Variants in TBX5 observed in about 807,000 individuals in gnomAD.
TBX5 encodes T-box transcription factor TBX5.
Under a neutral mutation model 51.1 loss-of-function variants are expected in TBX5, and 8 were observed. That is an observed-to-expected ratio of 0.16 (90% CI 0.09 to 0.28). The LOEUF is 0.28. Among genes scored for constraint, TBX5 ranks in the 10% least tolerant of loss-of-function variants. The probability of loss-of-function intolerance (pLI) is 1.00; values close to 1 mark genes in which losing one functional copy is unlikely to be tolerated. For synonymous variants in TBX5, 302 were observed against 266.4 expected, an observed-to-expected ratio of 1.13 and a Z score of -1.30; for missense variants, 589 against 671.7, an observed-to-expected ratio of 0.88 and a Z score of 1.36.
At chr12:114,370,231 CAGAAAAGAAAAGAAAAGAAAAGAAA>C (rs71447929) in intron 7 of TBX5, among the ~76,000 whole-genome samples, 82 of 77,852 alleles carry the variant, frequency 1.1e-3, no homozygotes, top group East Asian at 3.9e-3. Flanking sequence ...AACTCTGTCT[CAGAAAAGAAAAGAAAAGAAAAGAAA>C]AGAAAAGAAA....
chr12:114,381,717 G>A (rs1013377638), intron 7 of TBX5, among the ~76,000 whole-genome samples: 2 of 152,030 alleles, frequency 1.3e-5, no homozygotes, highest in Non-Finnish European at 2.9e-5. Flanking sequence ...AACAAGAATT[G>A]ACCCCAGGTT....
intron 6 of TBX5, 62 bp downstream of exon 6, chr12:114,394,679 C>A: frequency 6.2e-7 from 1 of 1,610,128 alleles, no homozygotes; most frequent in Non-Finnish European, 8.5e-7. Flanking sequence ...GAAAACCTTG[C>A]AGATTCATGC....
chr12:114,385,653 A>C, intron 6 of TBX5, 86 bp from the exon 7 acceptor site: 1 of 1,137,790 alleles, frequency 8.8e-7, no homozygotes, highest in Non-Finnish European at 1.3e-6. Context: ...AATAAATATC[A>C]TGGAAATGCA....
chr12:114,384,069 A>G (rs1870661049), intron 7 of TBX5, among the ~76,000 whole-genome samples: 2 of 152,190 alleles, frequency 1.3e-5, no homozygotes, highest in Non-Finnish European at 2.9e-5. Context: ...CACTGACCCT[A>G]TGGCCCAATC....
chr12:114,401,233 G>C (rs1871792697), intron 3 of TBX5, among the ~76,000 whole-genome samples: 1 of 152,226 alleles, frequency 6.6e-6, no homozygotes, highest in Non-Finnish European at 1.5e-5. Flanking sequence ...CGTGTTTATT[G>C]GTGTCTGTAT....
chr12:114,400,210 G>C (rs1001833444), intron 3 of TBX5, among the ~76,000 whole-genome samples: 1 of 152,210 alleles, frequency 6.6e-6, no homozygotes, highest in Non-Finnish European at 1.5e-5. Context: ...CTCGGTTAAT[G>C]ACCTCTGACA....
intron 7 of TBX5, among the ~76,000 whole-genome samples, chr12:114,369,461 C>T (rs1480601845): frequency 2.0e-5 from 3 of 152,192 alleles, no homozygotes; most frequent in East Asian, 1.9e-4. Context: ...GCCTGAAATA[C>T]GATGTCCCCA....
chr12:114,355,784 C>A lies in TBX5; in HGVS notation c.1305G>T (p.Leu435=), dbSNP rs372185479. ...HFSAHFTSGP[L]VPRLAGMANH... The stretch of plus-strand genomic sequence containing the variant: ...TGGCCATGCCAGCCAGCCGAGGGAC[C>A]AGGGGCCCCGAGGTGAAGTGAGCGG... The change falls in exon 9 of 9, where the codon CTG becomes CTT. Residue 435 remains leucine, a synonymous_variant. Transcript: ENST00000405440. The A allele has an allele frequency of 1.2e-6, 2 of 1,614,132 alleles. No individual in the cohort carries two copies. Among genetic ancestry groups the A allele is most frequent in the African/African-American group, 1.3e-5 (1 of 75,054 alleles).
At chr12:114,367,532 T>C (rs1869614673) in intron 7 of TBX5, among the ~76,000 whole-genome samples, 1 of 152,154 alleles carries the variant, frequency 6.6e-6, no homozygotes, top group Admixed American at 6.5e-5. Flanking sequence ...TCCCATTTTT[T>C]TTCCTCAGAA....
chr12:114,400,501 G>C (rs1001907040), intron 3 of TBX5, among the ~76,000 whole-genome samples: 3 of 152,230 alleles, frequency 2.0e-5, no homozygotes, highest in Non-Finnish European at 4.4e-5. Flanking sequence ...GATTCTCAAG[G>C]CTGGCCCGGG....
chr12:114,401,954 C>T, intron 2 of TBX5, 34 bp from the exon 3 acceptor site: 1 of 1,593,950 alleles, frequency 6.3e-7, no homozygotes, highest in Non-Finnish European at 8.6e-7. Flanking sequence ...CACTAACAAG[C>T]CCTGGCAGTA....
upstream of TBX5, chr12:114,408,028 T>C (rs1035937042): frequency 1.2e-5 from 12 of 985,336 alleles, no homozygotes; most frequent in African/African-American, 2.1e-4. Context: ...TTACCAGGCA[T>C]ACCCCAGTAA....
intron 7 of TBX5, among the ~76,000 whole-genome samples, chr12:114,368,410 C>T (rs541787560): frequency 4.1e-4 from 62 of 152,252 alleles, no homozygotes; most frequent in African/African-American, 8.9e-4. Context: ...TAATATCATG[C>T]GCAAAGAGCT....
At chr12:114,389,225 G>A (rs1322645493) in intron 6 of TBX5, among the ~76,000 whole-genome samples, 1 of 152,016 alleles carries the variant, frequency 6.6e-6, no homozygotes, top group Non-Finnish European at 1.5e-5. Context: ...ACCACGCTTG[G>A]CCTCAGATTT....
intron 7 of TBX5, among the ~76,000 whole-genome samples, chr12:114,367,014 C>T (rs1018838037): frequency 5.9e-5 from 9 of 152,102 alleles, no homozygotes; most frequent in Non-Finnish European, 1.5e-5. Flanking sequence ...TAATGAATGT[C>T]CCCAGTTCAA....
At chr12:114,371,133 G>A (rs1052572982) in intron 7 of TBX5, among the ~76,000 whole-genome samples, 4 of 152,052 alleles carry the variant, frequency 2.6e-5, no homozygotes, top group Admixed American at 1.3e-4. Context: ...GGCTCCACCC[G>A]GGCAATATCA....
chr12:114,373,587 T>C (rs1222810728), intron 7 of TBX5, among the ~76,000 whole-genome samples: 2 of 152,176 alleles, frequency 1.3e-5, no homozygotes, highest in Non-Finnish European at 2.9e-5. Flanking sequence ...GCCTCCCAAG[T>C]AGCTGGGACT....
At chr12:114,359,833 A>T (rs531959174) in intron 8 of TBX5, among the ~76,000 whole-genome samples, 3 of 152,294 alleles carry the variant, frequency 2.0e-5, no homozygotes, top group African/African-American at 7.2e-5. Context: ...ATGAGATTTA[A>T]TTGAGGTAAT....
chr12:114,396,190 G>GCTGCC (rs1484143406), intron 5 of TBX5, among the ~76,000 whole-genome samples: 1 of 151,860 alleles, frequency 6.6e-6, no homozygotes, highest in Admixed American at 6.6e-5. Flanking sequence ...GGGCCCCGCG[G>GCTGCC]CTGCCCGACC....
Sources: gnomAD v4.1 joint callset for allele counts (sites outside exome capture counted in the v4.1 genomes callset) on GRCh38, gnomAD v4.1.1 for gene constraint, MANE v1.5 for transcripts, NCBI Gene and HGNC (gene_info 2026-07-23, HGNC 2026-07-21) for gene names.